DAPK2: variants seen among roughly 807,000 people sequenced by gnomAD.
DAPK2 encodes the protein death associated protein kinase 2, also known as death-associated protein kinase 2.
A neutral mutation model predicts 44.1 loss-of-function variants in DAPK2; 35 were observed. The observed-to-expected ratio is 0.79, with a 90% CI of 0.61 to 1.05. The LOEUF (loss-of-function observed/expected upper bound fraction) is 1.05. Ranked by LOEUF, DAPK2 falls within the 50% of genes least tolerant of loss-of-function variation. DAPK2 has a pLI of 0.00. For synonymous variants in DAPK2, 174 were observed against 182.6 expected (o/e 0.95, Z 0.38); for missense variants, 453 against 483.2 (o/e 0.94, Z 0.59).
At chr15:63,940,143 C>T (rs1335257414) in intron 3 of DAPK2, among the ~76,000 whole-genome samples, 1 of 152,206 alleles carries the variant, frequency 6.6e-6, no homozygotes, top group Non-Finnish European at 1.5e-5. Flanking sequence ...CTCACTCCCA[C>T]CCAACCACTC....
intron 2 of DAPK2, among the ~76,000 whole-genome samples, chr15:63,981,034 G>A (rs1001545683): frequency 3.3e-5 from 5 of 151,602 alleles, no homozygotes; most frequent in Non-Finnish European, 5.9e-5. Context: ...AGATTGTAGT[G>A]AGCCAGGATC....
chr15:63,925,790 G>C (rs775197527), intron 7 of DAPK2, 151 bp downstream of exon 8: 4 of 921,326 alleles, frequency 4.3e-6, no homozygotes, highest in Non-Finnish European at 6.7e-6. Context: ...CCACGTCTTG[G>C]CTAGGCCACA....
At chr15:64,033,634 C>A (rs1196459875) in intron 1 of DAPK2, among the ~76,000 whole-genome samples, 2 of 152,058 alleles carry the variant, frequency 1.3e-5, no homozygotes, top group African/African-American at 4.8e-5. Context: ...CATCGCTGGG[C>A]ACAGTGGCTC....
In DAPK2 at chr15:63,908,679, G is replaced by C. The variant is rs1447985645; in HGVS notation, c.1033-79C>G. 4.7e-6 allele frequency: 6 copies of C among 1,276,666 alleles called. No homozygotes were observed. The highest frequency in any genetic ancestry group is 1.5e-5 in the South Asian group (1 of 66,274). 79.1% of individuals were successfully genotyped at this position (1,276,666 alleles called of 1,614,324 possible). ...GAATGGGGCTGTGCTGGGCAACCTG[G>C]GTTGATTCACCTGGACCACGGGACT... On this transcript the variant is annotated intron_variant, in intron 10 of 10. Transcript: ENST00000261891. This position sits in a 1 kb window ranked among gnomAD's most constrained non-coding sequence, Gnocchi z 5.7.
At chr15:63,996,077 T>C (rs2140936767) in intron 1 of DAPK2, among the ~76,000 whole-genome samples, 1 of 152,352 alleles carries the variant, frequency 6.6e-6, no homozygotes, top group Middle Eastern at 3.4e-3. Flanking sequence ...TTCCTCCTTC[T>C]TCCTTTGCAC....
At chr15:64,041,308 G>T (rs1212793432), upstream of DAPK2, among the ~76,000 whole-genome samples, 3 of 152,176 alleles carry the variant, frequency 2.0e-5, no homozygotes, top group Non-Finnish European at 4.4e-5. Flanking sequence ...AAGGGCCTCA[G>T]TGTCCTCATC....
intron 3 of DAPK2, among the ~76,000 whole-genome samples, chr15:63,968,812 A>G (rs566523773): frequency 2.2e-4 from 34 of 152,308 alleles, no homozygotes; most frequent in Middle Eastern, 3.4e-3. Flanking sequence ...CAAGCCAAAC[A>G]TCACGAACCT....
rs1268856209 is a variant in DAPK2 at position 63,908,450 on chromosome 15, C to G, written c.*70G>C. 1.9e-6 allele frequency: 2 copies of G among 1,070,224 alleles called. No homozygotes were observed. The highest frequency in any genetic ancestry group is 1.6e-5 in the African/African-American group (1 of 61,580). The allele number at this position is 1,070,224 out of a possible 1,614,324, so 66.3% of individuals were successfully genotyped here. ...CCCGGGTGCTGGTGCTGAGCTGGGT[C>G]CAAAAGTCTGCACAGAAGGGAGCCC... is the stretch of plus-strand genomic sequence containing the variant. On this transcript the variant is annotated 3_prime_UTR_variant, in exon 11 of 11. Transcript: ENST00000261891. This position sits in a 1 kb window ranked among gnomAD's most constrained non-coding sequence, Gnocchi z 5.7.
At chr15:63,909,393 AC>A (rs2078727553) in intron 10 of DAPK2, 1 of 150,348 alleles carries the variant, frequency 6.7e-6, no homozygotes, top group African/African-American at 2.5e-5. Flanking sequence ...GATATCTGGG[AC>A]CCAACATTTT....
upstream of DAPK2, among the ~76,000 whole-genome samples, chr15:64,041,673 C>G (rs1012142995): frequency 1.3e-5 from 2 of 152,224 alleles, no homozygotes; most frequent in Non-Finnish European, 2.9e-5. Flanking sequence ...TCCACGAACC[C>G]CAAAAGACTA....
intron 1 of DAPK2, among the ~76,000 whole-genome samples, chr15:64,008,885 C>A (rs550305413): frequency 1.2e-3 from 189 of 152,234 alleles, no homozygotes; most frequent in African/African-American, 4.4e-3. Context: ...AGGGACAGGC[C>A]ACAGAGCTGC....
At position 64,039,544 on chromosome 15, in the gene DAPK2, T is replaced by C. The variant is rs190001061; in HGVS notation, c.92+626A>G. Among the ~76,000 whole-genome samples, 4 of 152,284 alleles carry C rather than the reference T, an allele frequency of 2.6e-5. No homozygotes were observed. In the South Asian group the frequency reaches 8.3e-4, roughly 32 times the overall value. On this transcript the variant is annotated intron_variant, in intron 1 of 10. Coordinates refer to ENST00000261891, the Ensembl canonical transcript of DAPK2. ...AATCACTACACTACCACCTAAATAT[T>C]AGCAGCTGGTAGAAATGGAAGGCAA...
exon 10 of DAPK2, chr15:63,911,911 G>T: frequency 3.7e-6 from 6 of 1,613,362 alleles, no homozygotes; most frequent in African/African-American, 1.3e-5. Flanking sequence ...TACCCACCAG[G>T]TCCTCATCCG....
Position 63,990,387 on chromosome 15 carries a change from C to G in DAPK2, c.93-6633G>C, listed in dbSNP as rs1190479091. Among the ~76,000 whole-genome samples the G allele has an allele frequency of 6.7e-6, 1 of 150,336 alleles. No homozygotes were observed. Among genetic ancestry groups the G allele is most frequent in the Non-Finnish European group, 1.5e-5 (1 of 67,844 alleles). On this transcript the variant is annotated intron_variant, in intron 1 of 10. Transcript: ENST00000261891. The surrounding 1 kb of genome is among the most constrained non-coding windows in gnomAD (Gnocchi z 4.3). ...AGGTTGCAGTGAGCTGAGATCGCAC[C>G]GCTGCACTCCAGCCTGGGTGACAGA...
upstream of DAPK2, among the ~76,000 whole-genome samples, chr15:64,041,893 A>G (rs1173066931): frequency 2.0e-5 from 3 of 152,182 alleles, no homozygotes; most frequent in African/African-American, 7.2e-5. Flanking sequence ...CCTCAGGCAG[A>G]GCTGGCCTGG....
At chr15:64,030,836 C>T (rs1205025522) in intron 1 of DAPK2, among the ~76,000 whole-genome samples, 1 of 152,122 alleles carries the variant, frequency 6.6e-6, no homozygotes, top group Non-Finnish European at 1.5e-5. Flanking sequence ...AAGTCTAGGG[C>T]ACATGCCTAT....
intron 2 of DAPK2, among the ~76,000 whole-genome samples, chr15:63,973,982 G>A (rs577956798): frequency 6.6e-6 from 1 of 152,180 alleles, no homozygotes; most frequent in African/African-American, 2.4e-5. Context: ...CCCTTTATGG[G>A]GCTCAAGAGA....
chr15:63,909,955 CT>C (rs1200425382), intron 10 of DAPK2, among the ~76,000 whole-genome samples: 1 of 152,222 alleles, frequency 6.6e-6, no homozygotes, highest in Non-Finnish European at 1.5e-5. Flanking sequence ...TTCCTCCAGC[CT>C]GAGCCAGCTG....
chr15:63,989,587 T>C (rs2078761333), intron 1 of DAPK2, among the ~76,000 whole-genome samples: 1 of 152,224 alleles, frequency 6.6e-6, no homozygotes, highest in Non-Finnish European at 1.5e-5. Flanking sequence ...TTTGAATTGC[T>C]GGCATGTGGT....
Sources: allele counts gnomAD v4.1 joint callset (sites outside exome capture counted in the v4.1 genomes callset), GRCh38; gene constraint gnomAD v4.1.1; non-coding constraint Gnocchi (gnomAD v3.1); transcripts MANE v1.5; gene names NCBI Gene and HGNC (gene_info 2026-07-23, HGNC 2026-07-21).